The following NUCKS1 variants were observed in gnomAD, a reference collection of about 807,000 sequenced individuals.
NUCKS1 encodes the protein nuclear ubiquitous casein and cyclin-dependent kinase substrate 1.
In NUCKS1, 2 loss-of-function variants were observed where a neutral mutation model predicts 33.0. The ratio of observed to expected loss-of-function variants is 0.06; its 90% CI spans 0.02 to 0.19. NUCKS1 has a LOEUF of 0.19. Ranked by LOEUF, NUCKS1 falls within the 10% of genes least tolerant of loss-of-function variation. NUCKS1 has a pLI of 1.00. For synonymous variants in NUCKS1, 106 were observed against 102.8 expected (o/e 1.03, Z -0.19); for missense variants, 201 against 293.6 (o/e 0.68, Z 2.31).
rs1671843452 is a variant in NUCKS1, at chr1:205,717,483, T to C, written c.*797A>G. On this transcript the variant is annotated 3_prime_UTR_variant, in exon 7 of 7. Transcript: ENST00000367142. ...AGAAGGAAATATGAAATCAAGAGTT[T>C]TGGCAGCCCCTGCTTTTTTTTTTTT... 2.0e-6 allele frequency: 2 copies of C among 984,380 alleles called. No homozygotes were observed. Among genetic ancestry groups the C allele is most frequent in the African/African-American group, 1.8e-5 (1 of 57,088 alleles). The allele number at this position is 984,380 out of a possible 1,614,324, so 61.0% of individuals were successfully genotyped here. A position where few individuals can be genotyped will look rare whatever the true frequency, so the allele number is the denominator to read the frequency against.
chr1:205,728,522 CTAAG>C (rs1439388777), intron 2 of NUCKS1, among the ~76,000 whole-genome samples: 6 of 152,104 alleles, frequency 3.9e-5, no homozygotes, highest in Non-Finnish European at 7.4e-5. Context: ...ACAGATTATT[CTAAG>C]TAAATATTAA....
chr1:205,731,895 C>CAA (rs34020544), intron 1 of NUCKS1, among the ~76,000 whole-genome samples: 9 of 111,846 alleles, frequency 8.0e-5, no homozygotes, highest in Admixed American at 9.1e-5. Flanking sequence ...GACTCCGTCT[C>CAA]AAAAAAAAAA....
chr1:205,732,746 A>G (rs1485228276), intron 1 of NUCKS1, among the ~76,000 whole-genome samples: 2 of 135,774 alleles, frequency 1.5e-5, no homozygotes, highest in Non-Finnish European at 3.1e-5. Context: ...GCACCACTGC[A>G]CTCCAGCCTG....
At chr1:205,730,222 T>C (rs1393985902) in intron 1 of NUCKS1, among the ~76,000 whole-genome samples, 3 of 151,742 alleles carry the variant, frequency 2.0e-5, no homozygotes, top group Non-Finnish European at 4.4e-5. Flanking sequence ...TTTTTTTTCA[T>C]TTTTTGTAGA....
chr1:205,733,043 A>G (rs1653953981), intron 1 of NUCKS1, among the ~76,000 whole-genome samples: 1 of 152,118 alleles, frequency 6.6e-6, no homozygotes, highest in Non-Finnish European at 1.5e-5. Flanking sequence ...CAGGGGAAGA[A>G]AGGTATCTAG....
chr1:205,741,770 G>A (rs1654181735), intron 1 of NUCKS1, among the ~76,000 whole-genome samples: 1 of 152,212 alleles, frequency 6.6e-6, no homozygotes, highest in Non-Finnish European at 1.5e-5. Flanking sequence ...CTGGACTGCA[G>A]AGTGGAACTA....
At chr1:205,743,982 T>C (rs1187547850) in intron 1 of NUCKS1, among the ~76,000 whole-genome samples, 1 of 152,206 alleles carries the variant, frequency 6.6e-6, no homozygotes, top group African/African-American at 2.4e-5. Flanking sequence ...TTGAAACGTA[T>C]AAACTTAAAA....
At chr1:205,743,694 G>GTGC (rs1654239104) in intron 1 of NUCKS1, among the ~76,000 whole-genome samples, 1 of 152,156 alleles carries the variant, frequency 6.6e-6, no homozygotes, top group East Asian at 1.9e-4. Context: ...CTCTTGGAAA[G>GTGC]TGGAGCCTTA....
intron 1 of NUCKS1, among the ~76,000 whole-genome samples, chr1:205,743,960 C>T (rs980792058): frequency 6.6e-6 from 1 of 152,138 alleles, no homozygotes. Flanking sequence ...TAAGGGGAAA[C>T]GCCCTCATAT....
At chr1:205,724,023 C>T in intron 3 of NUCKS1, 42 bp from the exon 4 acceptor site, 4 of 1,409,664 alleles carry the variant, frequency 2.8e-6, no homozygotes, top group Non-Finnish European at 4.0e-6. Context: ...AAAGTCTTAG[C>T]TCAAAATCTA....
At position 205,734,737 on chromosome 1, in the gene NUCKS1, T is replaced by C. The variant is rs1369185623; in HGVS notation, c.18-5116A>G. Among the ~76,000 whole-genome samples the C allele has an allele frequency of 2.6e-5, 4 of 151,918 alleles. No individual in the cohort carries two copies. In the South Asian group the frequency reaches 8.3e-4, roughly 32 times the overall value. ...GGTGAAACCCCATCTCCACTAAAAA[T>C]ACAAAAAATTAGCCAGGCGTGGTGG... On this transcript the variant is annotated intron_variant, in intron 1 of 6. Coordinates refer to ENST00000367142, the MANE Select transcript of NUCKS1 (RefSeq NM_022731.5).
intron 4 of NUCKS1, among the ~76,000 whole-genome samples, chr1:205,723,586 T>C (rs1426840513): frequency 6.6e-6 from 1 of 152,192 alleles, no homozygotes; most frequent in Non-Finnish European, 1.5e-5. Context: ...TATTATTCTA[T>C]TTAGTTTGAT....
chr1:205,725,118 G>C (rs1270287103), intron 3 of NUCKS1, among the ~76,000 whole-genome samples: 1 of 152,180 alleles, frequency 6.6e-6, no homozygotes, highest in Non-Finnish European at 1.5e-5. Flanking sequence ...CTGAGCTCAA[G>C]TGATCCACCT....
chr1:205,727,975 A>G (rs1368304603), intron 2 of NUCKS1, among the ~76,000 whole-genome samples, 170 bp from the exon 3 acceptor site: 1 of 152,084 alleles, frequency 6.6e-6, no homozygotes, highest in Admixed American at 6.6e-5. Flanking sequence ...ACGCAGTCCT[A>G]TCACCTTCAC....
chr1:205,725,072 G>A (rs1653708271), intron 3 of NUCKS1, among the ~76,000 whole-genome samples: 1 of 152,140 alleles, frequency 6.6e-6, no homozygotes, highest in South Asian at 2.1e-4. Flanking sequence ...AATAGAGATG[G>A]GGTTTCACCA....
chr1:205,718,551 C>T (rs967823963), intron 6 of NUCKS1, 72 bp from the exon 7 acceptor site: 4 of 1,576,588 alleles, frequency 2.5e-6, no homozygotes, highest in South Asian at 1.2e-5. Context: ...CTACAAAATA[C>T]AACAATCTGT....
chr1:205,729,260 C>T (rs1231869542), intron 2 of NUCKS1, among the ~76,000 whole-genome samples: 3 of 152,100 alleles, frequency 2.0e-5, no homozygotes, highest in Non-Finnish European at 2.9e-5. Context: ...TGAGCCATGG[C>T]GACTGGCTGA....
intron 1 of NUCKS1, among the ~76,000 whole-genome samples, chr1:205,749,096 G>A (rs987253088): frequency 6.6e-6 from 1 of 152,194 alleles, no homozygotes; most frequent in African/African-American, 2.4e-5. Flanking sequence ...GGACAAGAGG[G>A]TTACAAAAAT....
chr1:205,745,279 T>G (rs974400946), intron 1 of NUCKS1, among the ~76,000 whole-genome samples: 5 of 152,152 alleles, frequency 3.3e-5, no homozygotes, highest in African/African-American at 9.7e-5. Flanking sequence ...TTTTTTTAAT[T>G]TAGTACTTTT....
Sources: allele counts gnomAD v4.1 joint callset (sites outside exome capture counted in the v4.1 genomes callset), GRCh38; gene constraint gnomAD v4.1.1; transcripts MANE v1.5; gene names NCBI Gene and HGNC (gene_info 2026-07-23, HGNC 2026-07-21).